The following CCDC191 variants were observed in gnomAD, a reference collection of about 807,000 sequenced individuals.
CCDC191 encodes the protein coiled-coil domain-containing protein 191.
Under a neutral mutation model 114.0 loss-of-function variants are expected in CCDC191, and 99 were observed. The ratio of observed to expected loss-of-function variants is 0.87; its 90% confidence interval spans 0.74 to 1.03. The LOEUF (loss-of-function observed/expected upper bound fraction) is 1.03, where lower values mean the gene tolerates loss of function less well. CCDC191 is among the 50% of genes least tolerant of loss of function. The pLI is 0.00. For synonymous variants in CCDC191, 351 were observed against 376.0 expected (o/e 0.93, Z 0.77); for missense variants, 973 against 1,087.0 (o/e 0.90, Z 1.47).
At chr3:113,980,350 C>T (rs75126695) in intron 14 of CCDC191, among the ~76,000 whole-genome samples, 1 of 152,254 alleles carries the variant, frequency 6.6e-6, no homozygotes, top group East Asian at 1.9e-4. Flanking sequence ...GACTAATGTA[C>T]CTTATGGTAA....
intron 8 of CCDC191, 36 bp from the exon 9 acceptor site, chr3:114,011,057 C>T (rs1214663833): frequency 1.9e-6 from 3 of 1,572,238 alleles, no homozygotes; most frequent in Non-Finnish European, 2.6e-6. Flanking sequence ...AATAAAGAAG[C>T]CATTTACAGT....
intron 3 of CCDC191, among the ~76,000 whole-genome samples, chr3:114,044,336 G>A (rs1328543786): frequency 1.3e-5 from 2 of 152,120 alleles, no homozygotes; most frequent in African/African-American, 4.8e-5. Flanking sequence ...CCTCCATTTG[G>A]ATTTCTTTCT....
chr3:114,042,550 T>A (rs753686116), intron 4 of CCDC191, among the ~76,000 whole-genome samples, 153 bp downstream of exon 4: 1 of 152,166 alleles, frequency 6.6e-6, no homozygotes, highest in Non-Finnish European at 1.5e-5. Flanking sequence ...ATAAGAAATT[T>A]ACATTTAACC....
In CCDC191 at chr3:113,964,653, T is replaced by C. The variant is rs893696352; in HGVS notation, c.*502A>G. On this transcript the variant is annotated 3_prime_UTR_variant, in exon 17 of 17. Coordinates refer to ENST00000295878, the MANE Select transcript of CCDC191 (RefSeq NM_020817.2). ...TGCAGCAGCTGTGTAGAGAACCTTT[T>C]CATACATGGTCTGCCTTCAGGGGTG... The C allele has an allele frequency of 6.6e-6, 1 of 152,268 alleles. No individual in the cohort carries two copies. The highest frequency in any genetic ancestry group is 1.5e-5 in the Non-Finnish European group (1 of 68,080). 9.4% of individuals were successfully genotyped at this position (152,268 alleles called of 1,614,324 possible).
At chr3:114,012,156 G>A (rs1332208453) in intron 8 of CCDC191, among the ~76,000 whole-genome samples, 1 of 152,012 alleles carries the variant, frequency 6.6e-6, no homozygotes, top group Admixed American at 6.6e-5. Context: ...ATGTTTATAC[G>A]ACTTTTAAAC....
At chr3:114,036,924 C>T (rs1422500210) in intron 4 of CCDC191, 138 bp from the exon 5 acceptor site, 12 of 483,002 alleles carry the variant, frequency 2.5e-5, no homozygotes, top group Admixed American at 4.1e-5. Flanking sequence ...CTGATAATGG[C>T]AACTGATTGA....
At chr3:113,971,739 G>A (rs1407667441) in intron 16 of CCDC191, among the ~76,000 whole-genome samples, 3 of 151,962 alleles carry the variant, frequency 2.0e-5, no homozygotes. Context: ...TGAAGAAATT[G>A]AGTAGAATTT....
intron 6 of CCDC191, among the ~76,000 whole-genome samples, chr3:114,033,086 CTTT>C (rs79462907): frequency 6.9e-6 from 1 of 144,296 alleles, no homozygotes. Flanking sequence ...ATCCATATTT[CTTT>C]TTTTTTTTTT....
intron 3 of CCDC191, among the ~76,000 whole-genome samples, chr3:114,043,434 G>A (rs2076589885): frequency 6.6e-6 from 1 of 152,156 alleles, no homozygotes; most frequent in African/African-American, 2.4e-5. Context: ...GAGCCATTTT[G>A]TGTTGTCATA....
intron 8 of CCDC191, among the ~76,000 whole-genome samples, chr3:114,011,469 T>G (rs1222833108): frequency 6.6e-6 from 1 of 152,214 alleles, no homozygotes. Flanking sequence ...CTTAACAAGT[T>G]AAATTGTCAA....
At chr3:114,022,640 G>C (rs1023756720) in intron 7 of CCDC191, among the ~76,000 whole-genome samples, 1 of 152,094 alleles carries the variant, frequency 6.6e-6, no homozygotes, top group African/African-American at 2.4e-5. Context: ...ACTCCTTGCT[G>C]TTCTCAGGCC....
chr3:114,031,503 G>T, intron 7 of CCDC191, 123 bp downstream of exon 7: 1 of 775,270 alleles, frequency 1.3e-6, no homozygotes, highest in South Asian at 1.5e-5. Context: ...CAAATGGCGT[G>T]GGCAGTTTTG....
intron 14 of CCDC191, 40 bp from the exon 15 acceptor site, chr3:113,979,050 T>A: frequency 6.4e-7 from 1 of 1,562,920 alleles, no homozygotes; most frequent in South Asian, 1.1e-5. Context: ...TTCCTTAAAT[T>A]TTAAATCATT....
intron 13 of CCDC191, among the ~76,000 whole-genome samples, chr3:113,983,245 AGC>A (rs2075233433): frequency 6.6e-6 from 1 of 152,078 alleles, no homozygotes; most frequent in Admixed American, 6.6e-5. Flanking sequence ...CTACCTCACT[AGC>A]TCCTTATCCT....
At chr3:114,001,476 T>C in intron 13 of CCDC191, 119 bp downstream of exon 13, 7 of 1,344,976 alleles carry the variant, frequency 5.2e-6, no homozygotes, top group Non-Finnish European at 1.0e-6. Flanking sequence ...AGAAAAGAAG[T>C]GAGGGTGAGA....
At chr3:114,011,523 G>A (rs2076069898) in intron 8 of CCDC191, among the ~76,000 whole-genome samples, 1 of 152,174 alleles carries the variant, frequency 6.6e-6, no homozygotes, top group South Asian at 2.1e-4. Flanking sequence ...AACACTGAGG[G>A]TTGATCTTGT....
chr3:114,018,946 C>T (rs1360877818), intron 7 of CCDC191, 78 bp from the exon 8 acceptor site: 1 of 1,298,004 alleles, frequency 7.7e-7, no homozygotes, highest in African/African-American at 1.5e-5. Flanking sequence ...GCCCTCTCCT[C>T]AGATTTTCCC....
chr3:114,046,487 A>T (rs2076631296), intron 3 of CCDC191, 104 bp downstream of exon 3: 2 of 761,438 alleles, frequency 2.6e-6, no homozygotes, highest in South Asian at 3.1e-5. Context: ...AAGAAAGGGA[A>T]ATTAAGAACA....
Position 114,026,259 on chromosome 3 carries a change from G to A in CCDC191, c.972+5367C>T, listed in dbSNP as rs147571324. On this transcript the variant is annotated intron_variant, in intron 7 of 16. Transcript: ENST00000295878. ...ATGGGACATCTGGGTTACTTACAGG[G>A]TCAGGAAAGAAAGAACATAACAAAC... Among the ~76,000 whole-genome samples the A allele has an allele frequency of 6.2e-4, 94 of 152,298 alleles. 1 individual carries two copies. Among genetic ancestry groups the A allele is most frequent in the African/African-American group, 2.2e-3 (91 of 41,560 alleles).
Sources: gnomAD v4.1 joint callset for allele counts (sites outside exome capture counted in the v4.1 genomes callset) on GRCh38, gnomAD v4.1.1 for gene constraint, MANE v1.5 for transcripts, NCBI Gene and HGNC (gene_info 2026-07-23, HGNC 2026-07-21) for gene names.